Variants in KLHL18 observed in about 807,000 individuals in gnomAD.
KLHL18 encodes the protein kelch-like protein 18.
Under a neutral mutation model 58.5 loss-of-function variants are expected in KLHL18, and 38 were observed. That is an observed-to-expected ratio of 0.65 (90% CI 0.50 to 0.85). The LOEUF (loss-of-function observed/expected upper bound fraction) is 0.85. KLHL18 is among the 40% of genes least tolerant of loss of function. The probability of loss-of-function intolerance (pLI) is 0.00; values close to 1 mark genes in which losing one functional copy is unlikely to be tolerated. For missense variants in KLHL18, 624 were observed against 778.4 expected (o/e 0.80, Z 2.36); for synonymous variants, 303 against 301.9 (o/e 1.00, Z -0.04).
chr3:47,316,729 A>G (rs1703457284), intron 1 of KLHL18, among the ~76,000 whole-genome samples: 1 of 120,678 alleles, frequency 8.3e-6, no homozygotes, highest in African/African-American at 3.0e-5. Context: ...ATGTGTGTGT[A>G]TATATACATA....
intron 1 of KLHL18, among the ~76,000 whole-genome samples, chr3:47,284,594 C>T (rs1226954440): frequency 1.3e-5 from 2 of 152,112 alleles, no homozygotes; most frequent in Admixed American, 1.3e-4. Flanking sequence ...GTCTCGGCCT[C>T]CCAAAGTGCT....
intron 6 of KLHL18, 85 bp from the exon 7 acceptor site, chr3:47,336,450 A>G: frequency 8.5e-7 from 1 of 1,173,344 alleles, no homozygotes; most frequent in Non-Finnish European, 1.2e-6. Context: ...ATTGAGTCGA[A>G]TGTTCCATAT....
chr3:47,288,924 AG>A (rs1702734810), intron 1 of KLHL18, among the ~76,000 whole-genome samples: 1 of 152,236 alleles, frequency 6.6e-6, no homozygotes, highest in African/African-American at 2.4e-5. Flanking sequence ...CTGGGCTGCC[AG>A]GAGCCCAAGG....
rs201702274 is a variant in KLHL18 at position 47,343,821 on chromosome 3, G to A, written c.1605G>A (p.Gln535=). The change falls in exon 10 of 10, where the codon CAG becomes CAA. Residue 535 remains glutamine (Q), a synonymous_variant. Transcript: ENST00000232766. ...ACGCTGTTGGGGGCTACGACGGACAGTCAAACCTAAGCTCAGTGGAGATGT... is the reference window on the plus strand; with the variant it reads ...ACGCTGTTGGGGGCTACGACGGACAATCAAACCTAAGCTCAGTGGAGATGT... ...RLYAVGGYDG[Q]SNLSSVEMYD... is the part of the protein sequence containing the mutation. 455 of 1,614,218 alleles carry A rather than the reference G, an allele frequency of 2.8e-4. 6 individuals are homozygous for A. In the South Asian group the frequency reaches 4.7e-3, roughly 17 times the overall value.
chr3:47,338,841 C>T (rs922242415), intron 7 of KLHL18: 3 of 152,146 alleles, frequency 2.0e-5, no homozygotes, highest in Non-Finnish European at 4.4e-5. Context: ...GAAAAGGTAG[C>T]ATTAAGCCTG....
At chr3:47,322,742 G>T in intron 3 of KLHL18, 34 bp downstream of exon 3, 2 of 1,491,032 alleles carry the variant, frequency 1.3e-6, no homozygotes, top group South Asian at 2.8e-5. Context: ...TGGAGAACAT[G>T]ACTATTTCAT....
At chr3:47,309,823 C>A (rs1468202164) in intron 1 of KLHL18, among the ~76,000 whole-genome samples, 1 of 152,234 alleles carries the variant, frequency 6.6e-6, no homozygotes, top group Non-Finnish European at 1.5e-5. Flanking sequence ...CACAGCGAAA[C>A]CCCGTCTCCA....
chr3:47,330,934 G>T (rs1703843020), intron 4 of KLHL18, among the ~76,000 whole-genome samples: 1 of 151,780 alleles, frequency 6.6e-6, no homozygotes, highest in Admixed American at 6.6e-5. Flanking sequence ...GTTTCACCAT[G>T]TTGGCGAGGC....
intron 1 of KLHL18, among the ~76,000 whole-genome samples, chr3:47,317,901 G>A (rs1164964884): frequency 6.6e-6 from 1 of 152,026 alleles, no homozygotes; most frequent in Non-Finnish European, 1.5e-5. Context: ...TTGTTTTTGA[G>A]ACTCCATCCC....
chr3:47,309,560 C>T (rs1703241935), intron 1 of KLHL18, among the ~76,000 whole-genome samples: 1 of 152,140 alleles, frequency 6.6e-6, no homozygotes, highest in African/African-American at 2.4e-5. Flanking sequence ...AGATGATGGG[C>T]AGCCAGGCAG....
At chr3:47,309,845 A>G (rs1013622003) in intron 1 of KLHL18, among the ~76,000 whole-genome samples, 3 of 152,126 alleles carry the variant, frequency 2.0e-5, no homozygotes, top group Non-Finnish European at 2.9e-5. Flanking sequence ...CAAAAAAATA[A>G]CGAAAACCAG....
intron 3 of KLHL18, among the ~76,000 whole-genome samples, chr3:47,324,072 C>T (rs1449860307): frequency 1.3e-5 from 2 of 152,000 alleles, no homozygotes; most frequent in East Asian, 1.9e-4. Context: ...TGGTGCTGTT[C>T]GCAGTTTTAT....
chr3:47,331,887 G>A (rs544772726), intron 4 of KLHL18, among the ~76,000 whole-genome samples: 6 of 152,282 alleles, frequency 3.9e-5, no homozygotes, highest in South Asian at 4.1e-4. Flanking sequence ...ACAGTCTAGG[G>A]CATAAGGGTG....
chr3:47,301,622 C>T (rs1216741933), intron 1 of KLHL18, among the ~76,000 whole-genome samples: 1 of 152,172 alleles, frequency 6.6e-6, no homozygotes, highest in African/African-American at 2.4e-5. Context: ...CTTACTGTAG[C>T]TATGTAGTTG....
chr3:47,334,227 C>G lies in KLHL18; in HGVS notation c.762-456C>G, dbSNP rs1183561765. Reference sequence around the variant, plus strand: ...CTATTGAAGGTTCTTAGCTTGAACTCTAGTGTGGAAGTGGAATGGAGGGGC... The same window carrying G: ...CTATTGAAGGTTCTTAGCTTGAACTGTAGTGTGGAAGTGGAATGGAGGGGC... On this transcript the variant is annotated intron_variant, in intron 5 of 9. Transcript: ENST00000232766. This position sits in a 1 kb window ranked among gnomAD's most constrained non-coding sequence, Gnocchi z 4.7. Among the ~76,000 whole-genome samples the G allele has an allele frequency of 1.3e-5, 2 of 151,996 alleles. No homozygotes were observed. The highest frequency in any genetic ancestry group is 2.9e-5 in the Non-Finnish European group (2 of 68,004).
chr3:47,335,594 G>A (rs2107655749), intron 6 of KLHL18, among the ~76,000 whole-genome samples: 1 of 152,224 alleles, frequency 6.6e-6, no homozygotes, highest in Non-Finnish European at 1.5e-5. Context: ...TGCAACCTCT[G>A]CCTCCCGGGT....
At chr3:47,288,072 T>C (rs1702714152) in intron 1 of KLHL18, among the ~76,000 whole-genome samples, 1 of 151,798 alleles carries the variant, frequency 6.6e-6, no homozygotes, top group South Asian at 2.1e-4. Flanking sequence ...AATACAAAAA[T>C]TAGCTGGACA....
At chr3:47,285,545 C>T (rs1441989540) in intron 1 of KLHL18, among the ~76,000 whole-genome samples, 3 of 150,634 alleles carry the variant, frequency 2.0e-5, no homozygotes, top group Non-Finnish European at 4.4e-5. Flanking sequence ...GGCAAAACCC[C>T]GTCTCTATTG....
Position 47,308,282 on chromosome 3 carries a change from G to A in KLHL18, c.130-11371G>A, listed in dbSNP as rs576711007. 6.6e-5 allele frequency among the ~76,000 whole-genome samples: 10 copies of A among 151,948 alleles called. No individual in the cohort carries two copies. In the South Asian group the frequency reaches 1.5e-3, roughly 22 times the overall value. ...AATTTTAGATTTTTAGGGGGTACAC[G>A]TGCAAGTTTGTTACATAGGCATATT... On this transcript the variant is annotated intron_variant, in intron 1 of 9. Coordinates refer to ENST00000232766, the MANE Select transcript of KLHL18 (RefSeq NM_025010.5).
Sources: allele counts gnomAD v4.1 joint callset (sites outside exome capture counted in the v4.1 genomes callset), GRCh38; gene constraint gnomAD v4.1.1; non-coding constraint Gnocchi (gnomAD v3.1); transcripts MANE v1.5; gene names NCBI Gene and HGNC (gene_info 2026-07-23, HGNC 2026-07-21).